The following PHTF2 variants were observed in gnomAD, a reference collection of about 807,000 sequenced individuals.
PHTF2 encodes protein PHTF2.
A neutral mutation model predicts 101.2 loss-of-function variants in PHTF2; 60 were observed. The observed-to-expected ratio is 0.59, with a 90% CI of 0.48 to 0.73. PHTF2 has a LOEUF of 0.73. PHTF2 is among the 30% of genes least tolerant of loss of function. The probability of loss-of-function intolerance (pLI) is 0.00; values close to 1 mark genes in which losing one functional copy is unlikely to be tolerated. For missense variants in PHTF2, 747 were observed against 908.7 expected, an observed-to-expected ratio of 0.82 and a Z score of 2.29; for synonymous variants, 311 against 307.3, an observed-to-expected ratio of 1.01 and a Z score of -0.13.
rs184367538 is a variant in PHTF2 at position 77,904,763 on chromosome 7, G to A, written c.445+2843G>A. Among the ~76,000 whole-genome samples, 25 of 152,320 alleles carry A rather than the reference G, an allele frequency of 1.6e-4. No homozygotes were observed. In the East Asian group the frequency reaches 3.1e-3, roughly 19 times the overall value. On this transcript the variant is annotated intron_variant, in intron 7 of 19. Transcript: ENST00000416283. The stretch of plus-strand genomic sequence containing the variant: ...CTCCTTATAGGCCCTGTCTCCAAAC[G>A]TAGTCACATTGTGGGTTAGGGCTTC...
At chr7:77,826,966 G>A (rs1023415058) in intron 1 of PHTF2, among the ~76,000 whole-genome samples, 1 of 152,154 alleles carries the variant, frequency 6.6e-6, no homozygotes, top group East Asian at 1.9e-4. Context: ...AAAGAATCGG[G>A]GGTGATCATC....
At chr7:77,853,705 G>T (rs1269259488) in intron 2 of PHTF2, among the ~76,000 whole-genome samples, 1 of 151,854 alleles carries the variant, frequency 6.6e-6, no homozygotes, top group Non-Finnish European at 1.5e-5. Context: ...CTCAGCTCTA[G>T]ATTTTTTTTT....
At chr7:77,902,110 A>G (rs146003694) in intron 7 of PHTF2, among the ~76,000 whole-genome samples, 190 bp downstream of exon 6, 1 of 152,332 alleles carries the variant, frequency 6.6e-6, no homozygotes, top group East Asian at 1.9e-4. Flanking sequence ...TAATTTTATG[A>G]ATATTTGAAT....
chr7:77,911,590 T>C (rs1008353305), intron 9 of PHTF2, among the ~76,000 whole-genome samples: 2 of 152,206 alleles, frequency 1.3e-5, no homozygotes, highest in African/African-American at 4.8e-5. Context: ...ACTCCACTAA[T>C]ACCATATTTC....
chr7:77,951,070 G>A (rs1227670274), intron 17 of PHTF2, among the ~76,000 whole-genome samples: 2 of 152,162 alleles, frequency 1.3e-5, no homozygotes, highest in African/African-American at 2.4e-5. Context: ...TCAAAGAAAG[G>A]AACTGTGGAT....
chr7:77,812,176 T>A (rs1447065899), intron 1 of PHTF2, among the ~76,000 whole-genome samples: 3 of 152,170 alleles, frequency 2.0e-5, no homozygotes, highest in African/African-American at 7.2e-5. Context: ...CTGAGAACAT[T>A]TAGTCTGGAA....
chr7:77,852,110 T>C (rs1316937487), intron 2 of PHTF2, among the ~76,000 whole-genome samples: 1 of 152,106 alleles, frequency 6.6e-6, no homozygotes, highest in African/African-American at 2.4e-5. Flanking sequence ...ACTGCAGCCT[T>C]GAATTCCTGG....
exon 13 of PHTF2, chr7:77,937,712 T>C: frequency 1.6e-6 from 2 of 1,278,922 alleles, no homozygotes; most frequent in Non-Finnish European, 2.1e-6. Context: ...TTTTATAGAG[T>C]CATTTGCCCT....
At chr7:77,839,601 A>G (rs960061421) in intron 1 of PHTF2, among the ~76,000 whole-genome samples, 7 of 152,026 alleles carry the variant, frequency 4.6e-5, no homozygotes, top group African/African-American at 1.4e-4. Flanking sequence ...AGTTTTTTTG[A>G]TCTTTGAGGA....
chr7:77,893,576 T>A, intron 3 of PHTF2, 32 bp from the exon 3 acceptor site: 1 of 951,474 alleles, frequency 1.1e-6, no homozygotes, highest in Non-Finnish European at 1.6e-6. Flanking sequence ...GTACCAGCAA[T>A]GACCATTTAA....
At chr7:77,838,935 C>T (rs948449174) in intron 1 of PHTF2, among the ~76,000 whole-genome samples, 12 of 152,194 alleles carry the variant, frequency 7.9e-5, no homozygotes, top group African/African-American at 2.9e-4. Flanking sequence ...AGAGGTTTAT[C>T]GTCTAAACAT....
intron 1 of PHTF2, among the ~76,000 whole-genome samples, chr7:77,825,816 T>TA (rs961642953): frequency 1.7e-4 from 26 of 151,720 alleles, no homozygotes; most frequent in South Asian, 6.2e-4. Flanking sequence ...TTAAACGTGA[T>TA]AAAAAAAATA....
chr7:77,870,247 GTT>G (rs35903374), intron 3 of PHTF2, among the ~76,000 whole-genome samples: 135 of 132,404 alleles, frequency 1.0e-3, no homozygotes, highest in Middle Eastern at 7.8e-3. Flanking sequence ...AATCCATTTT[GTT>G]TTTTTTTTTT....
At chr7:77,852,535 A>G (rs1341602550) in intron 2 of PHTF2, among the ~76,000 whole-genome samples, 1 of 152,136 alleles carries the variant, frequency 6.6e-6, no homozygotes, top group African/African-American at 2.4e-5. Flanking sequence ...ATCTTTTTAT[A>G]CTGTCTTTAT....
At chr7:77,811,539 A>G (rs182162204) in intron 1 of PHTF2, among the ~76,000 whole-genome samples, 20 of 152,292 alleles carry the variant, frequency 1.3e-4, no homozygotes, top group Admixed American at 1.1e-3. Flanking sequence ...AATTTCTTTT[A>G]TATTTATTAG....
chr7:77,850,948 A>G (rs570637220), intron 2 of PHTF2, among the ~76,000 whole-genome samples: 1 of 152,200 alleles, frequency 6.6e-6, no homozygotes, highest in Non-Finnish European at 1.5e-5. Flanking sequence ...TTGAACCATC[A>G]TGCATCCATA....
chr7:77,957,491 A>C (rs1041267911), exon 20 of PHTF2: 1 of 152,838 alleles, frequency 6.5e-6, no homozygotes, highest in African/African-American at 2.4e-5. Flanking sequence ...ATTAAAGCTC[A>C]TTGTGAAAAG....
intron 3 of PHTF2, among the ~76,000 whole-genome samples, chr7:77,863,305 G>A (rs764225941): frequency 2.0e-5 from 3 of 152,188 alleles, no homozygotes; most frequent in Non-Finnish European, 4.4e-5. Flanking sequence ...TAGTAAGGTA[G>A]CCTTATTAAA....
exon 15 of PHTF2, chr7:77,940,550 T>G: frequency 6.2e-7 from 1 of 1,606,276 alleles, no homozygotes; most frequent in East Asian, 2.2e-5. Flanking sequence ...GCAAAACTCT[T>G]TGGACATTTA....
Sources: allele counts gnomAD v4.1 joint callset (sites outside exome capture counted in the v4.1 genomes callset), GRCh38; gene constraint gnomAD v4.1.1; transcripts MANE v1.5; gene names NCBI Gene and HGNC (gene_info 2026-07-23, HGNC 2026-07-21).